PRKG1: variants seen among roughly 807,000 people sequenced by gnomAD.
The protein encoded by PRKG1 is protein kinase cGMP-dependent 1, also known as cGMP-dependent protein kinase 1.
PRKG1 carries 35 observed loss-of-function variants against 88.1 expected under a neutral mutation model. That is an observed-to-expected ratio of 0.40 (90% CI 0.30 to 0.53). PRKG1 has a LOEUF of 0.53. Among genes scored for constraint, PRKG1 ranks in the 20% least tolerant of loss-of-function variants. PRKG1 has a pLI of 0.59. For missense variants in PRKG1, 540 were observed against 839.8 expected (o/e 0.64, Z 4.41); for synonymous variants, 303 against 292.5 (o/e 1.04, Z -0.37).
chr10:51,494,857 T>C (rs1190166994), intron 3 of PRKG1, among the ~76,000 whole-genome samples: 1 of 152,204 alleles, frequency 6.6e-6, no homozygotes, highest in Non-Finnish European at 1.5e-5. Context: ...CATTTTATTA[T>C]GCTATTTGTA....
At chr10:52,003,622 C>T (rs1844654744) in intron 5 of PRKG1, among the ~76,000 whole-genome samples, 1 of 152,212 alleles carries the variant, frequency 6.6e-6, no homozygotes, top group East Asian at 1.9e-4. Context: ...GTCAGACTCT[C>T]AGAACCCAGA....
intron 2 of PRKG1, among the ~76,000 whole-genome samples, chr10:51,209,245 T>C (rs1838149426): frequency 6.6e-6 from 1 of 152,166 alleles, no homozygotes; most frequent in Non-Finnish European, 1.5e-5. Context: ...ATGTATTCCT[T>C]TATTGGTGTA....
chr10:51,584,190 G>A (rs757359875), intron 3 of PRKG1, among the ~76,000 whole-genome samples: 3 of 151,914 alleles, frequency 2.0e-5, no homozygotes, highest in Non-Finnish European at 4.4e-5. Context: ...TAATGGTGTG[G>A]ACCTAATTTG....
intron 3 of PRKG1, among the ~76,000 whole-genome samples, chr10:51,657,673 C>T (rs769186059): frequency 1.5e-4 from 23 of 152,082 alleles, no homozygotes; most frequent in Non-Finnish European, 2.8e-4. Context: ...CTCAGCATAC[C>T]GTTAAGCAGT....
In PRKG1 at chr10:51,337,433, C is replaced by G. The variant is rs368890368; in HGVS notation, c.479-130290C>G. On this transcript the variant is annotated intron_variant, in intron 2 of 17. Transcript: ENST00000373980. ...AATGGGATCTAATTAAACTAAAAAG[C>G]TTCTGCACAGCAAAAGAAATTATCA... Among the ~76,000 whole-genome samples the G allele has an allele frequency of 6.0e-3, 910 of 152,132 alleles. 6 individuals carry two copies. Among genetic ancestry groups the G allele is most frequent in the South Asian group, 0.014 (68 of 4,818 alleles).
intron 2 of PRKG1, among the ~76,000 whole-genome samples, chr10:51,425,773 G>T (rs1588946356): frequency 6.6e-6 from 1 of 152,172 alleles, no homozygotes; most frequent in East Asian, 1.9e-4. Context: ...ACATAGACAG[G>T]ATATGTGTTT....
intron 9 of PRKG1, among the ~76,000 whole-genome samples, chr10:52,173,301 A>G (rs1242508912): frequency 1.3e-5 from 2 of 152,184 alleles, no homozygotes; most frequent in Non-Finnish European, 2.9e-5. Context: ...CCTTTAGAAA[A>G]AGCATTTTCA....
chr10:51,340,634 C>G (rs751523813), intron 2 of PRKG1, among the ~76,000 whole-genome samples: 3 of 152,152 alleles, frequency 2.0e-5, no homozygotes, highest in Non-Finnish European at 2.9e-5. Context: ...TGCATCAAAT[C>G]ACTCCTAAGC....
At chr10:51,868,018 T>C (rs1005368415) in intron 4 of PRKG1, among the ~76,000 whole-genome samples, 1 of 152,162 alleles carries the variant, frequency 6.6e-6, no homozygotes, top group Non-Finnish European at 1.5e-5. Context: ...GGCCTGTATA[T>C]ACCAGTGACT....
At chr10:51,564,364 C>G (rs543688507) in intron 3 of PRKG1, among the ~76,000 whole-genome samples, 1 of 151,960 alleles carries the variant, frequency 6.6e-6, no homozygotes, top group Admixed American at 6.6e-5. Context: ...AATAAAAAGG[C>G]CTAGAGTTTG....
intron 2 of PRKG1, among the ~76,000 whole-genome samples, chr10:51,460,150 C>T (rs1839708577): frequency 6.6e-6 from 1 of 152,074 alleles, no homozygotes; most frequent in Non-Finnish European, 1.5e-5. Context: ...CTGGTTGTGA[C>T]AACCAGGAAT....
chr10:51,877,149 C>G (rs999684166), intron 4 of PRKG1, among the ~76,000 whole-genome samples: 6 of 152,094 alleles, frequency 3.9e-5, no homozygotes, highest in African/African-American at 1.2e-4. Context: ...GTTGCGCAAA[C>G]TGGTGTTGAA....
intron 3 of PRKG1, among the ~76,000 whole-genome samples, chr10:51,679,197 AT>A (rs1447628273): frequency 6.6e-6 from 1 of 152,176 alleles, no homozygotes. Context: ...AGTCAGAAAC[AT>A]TATTTTTCAT....
intron 3 of PRKG1, among the ~76,000 whole-genome samples, chr10:51,801,225 G>T (rs1468065096): frequency 6.6e-6 from 1 of 152,070 alleles, no homozygotes; most frequent in East Asian, 1.9e-4. Flanking sequence ...CAATTACTCA[G>T]TTCAGCCAGA....
chr10:51,855,781 A>G (rs1840665321), intron 4 of PRKG1, among the ~76,000 whole-genome samples: 1 of 152,222 alleles, frequency 6.6e-6, no homozygotes, highest in African/African-American at 2.4e-5. Context: ...TCAGTTTTGT[A>G]TCCAAGAAAA....
intron 3 of PRKG1, among the ~76,000 whole-genome samples, chr10:51,549,544 G>T (rs111396295): frequency 6.6e-6 from 1 of 151,972 alleles, no homozygotes; most frequent in South Asian, 2.1e-4. Flanking sequence ...AAGCATTGTT[G>T]CCTTCAAGGA....
rs781197509 is a variant in PRKG1 at position 52,256,256 on chromosome 10, G to A, written c.1173+4590G>A. On this transcript the variant is annotated intron_variant, in intron 10 of 17. Coordinates refer to ENST00000373980, the MANE Select transcript of PRKG1 (RefSeq NM_006258.4). Reference sequence around the variant, plus strand: ...CTGAATTAGAACTAAATCTAGAATAGATGTAGTAATTGTCTGCTGTGTGCC... The same window carrying A: ...CTGAATTAGAACTAAATCTAGAATAAATGTAGTAATTGTCTGCTGTGTGCC... Among the ~76,000 whole-genome samples, 28 of 139,310 alleles carry A rather than the reference G, an allele frequency of 2.0e-4. 5 individuals carry two copies. The highest frequency in any genetic ancestry group is 4.5e-4 in the Admixed American group (6 of 13,260). The allele number at this position is 139,310 out of a possible 152,430, so 91.4% of individuals were successfully genotyped here. A position where few individuals can be genotyped will look rare whatever the true frequency, so the allele number is the denominator to read the frequency against.
At chr10:51,486,923 T>G (rs1840561470) in intron 3 of PRKG1, among the ~76,000 whole-genome samples, 1 of 152,118 alleles carries the variant, frequency 6.6e-6, no homozygotes, top group South Asian at 2.1e-4. Context: ...CAAGAGGTGA[T>G]CTGTTGTCAA....
chr10:51,861,539 T>C (rs1840872824), intron 4 of PRKG1, among the ~76,000 whole-genome samples: 1 of 152,080 alleles, frequency 6.6e-6, no homozygotes, highest in African/African-American at 2.4e-5. Context: ...AAGTAAATCA[T>C]TCTGTTTTGT....
Sources: allele counts gnomAD v4.1 joint callset (sites outside exome capture counted in the v4.1 genomes callset), GRCh38; gene constraint gnomAD v4.1.1; transcripts MANE v1.5; gene names NCBI Gene and HGNC (gene_info 2026-07-23, HGNC 2026-07-21).